Variants in MALRD1 observed in about 807,000 individuals in gnomAD.
The protein encoded by MALRD1 is MAM and LDL-receptor class A domain-containing protein 1.
MALRD1 carries 247 observed loss-of-function variants against 242.1 expected under a neutral mutation model. The observed-to-expected ratio is 1.02, with a 90% confidence interval of 0.92 to 1.13. MALRD1 has a LOEUF of 1.13. Among genes scored for constraint, MALRD1 ranks in the 50% most tolerant of loss-of-function variants. MALRD1 has a pLI of 0.00. For synonymous variants in MALRD1, 995 were observed against 866.6 expected (o/e 1.15, Z -2.60); for missense variants, 2,989 against 2,533.1 (o/e 1.18, Z -3.86).
intron 34 of MALRD1, chr10:19,598,216 G>A (rs1218517995): frequency 6.6e-6 from 1 of 152,162 alleles, no homozygotes; most frequent in Non-Finnish European, 1.5e-5. Context: ...GTCAGGTGAT[G>A]AGGAAGAGAA....
chr10:19,231,131 C>A (rs1838046026), intron 18 of MALRD1, among the ~76,000 whole-genome samples: 1 of 152,148 alleles, frequency 6.6e-6, no homozygotes, highest in Non-Finnish European at 1.5e-5. Flanking sequence ...TCCTTGGGGA[C>A]AACTCGTATC....
chr10:19,367,497 T>C (rs1168128467), intron 26 of MALRD1, among the ~76,000 whole-genome samples: 1 of 152,158 alleles, frequency 6.6e-6, no homozygotes, highest in Non-Finnish European at 1.5e-5. Flanking sequence ...TACCACATTT[T>C]CTTTATCCAT....
chr10:19,054,737 C>T (rs532012851), intron 1 of MALRD1, among the ~76,000 whole-genome samples: 9 of 152,196 alleles, frequency 5.9e-5, no homozygotes, highest in South Asian at 2.1e-4. Flanking sequence ...GACAGGATTT[C>T]CTTCTTTTTA....
At chr10:19,531,702 GA>G (rs1371161242) in intron 32 of MALRD1, among the ~76,000 whole-genome samples, 10 of 152,150 alleles carry the variant, frequency 6.6e-5, no homozygotes, top group Non-Finnish European at 1.5e-4. Flanking sequence ...TGGTGAGGAA[GA>G]TAATTTTCTA....
At chr10:19,276,929 G>T (rs1840556506) in intron 19 of MALRD1, among the ~76,000 whole-genome samples, 1 of 151,308 alleles carries the variant, frequency 6.6e-6, no homozygotes, top group Non-Finnish European at 1.5e-5. Flanking sequence ...GTTTGGGTTG[G>T]GGGGTGGGAA....
At chr10:19,686,535 C>T (rs1168975214) in intron 36 of MALRD1, among the ~76,000 whole-genome samples, 1 of 152,140 alleles carries the variant, frequency 6.6e-6, no homozygotes, top group Non-Finnish European at 1.5e-5. Flanking sequence ...TAGGAAGCTG[C>T]TGATCTCCAG....
chr10:19,195,893 A>G (rs1386688550), intron 14 of MALRD1, among the ~76,000 whole-genome samples: 1 of 152,084 alleles, frequency 6.6e-6, no homozygotes, highest in East Asian at 1.9e-4. Context: ...GCCCTCCTCA[A>G]TGAATAACAC....
intron 18 of MALRD1, among the ~76,000 whole-genome samples, chr10:19,236,750 C>G (rs144338611): frequency 1.5e-3 from 232 of 152,130 alleles, no homozygotes; most frequent in African/African-American, 5.0e-3. Context: ...ATTTCAGATA[C>G]GTTTTTCATT....
At chr10:19,244,861 G>C (rs2131760127) in intron 18 of MALRD1, among the ~76,000 whole-genome samples, 1 of 152,252 alleles carries the variant, frequency 6.6e-6, no homozygotes, top group East Asian at 1.9e-4. Flanking sequence ...CCAGCCTTGG[G>C]TATAAATTAA....
rs532569005 is a variant in MALRD1, at chr10:19,515,708, C to T, written c.5321-15486C>T. On this transcript the variant is annotated intron_variant, in intron 31 of 39. Transcript: ENST00000454679. ...CCGAGTAGCTGGGACTACAGGCACC[C>T]GCTACAACGCCTGGCTAATTTTTTT... Among the ~76,000 whole-genome samples the T allele has an allele frequency of 3.7e-3, 568 of 152,050 alleles. 4 individuals carry two copies. Among genetic ancestry groups the T allele is most frequent in the African/African-American group, 0.013 (548 of 41,478 alleles).
intron 5 of MALRD1, among the ~76,000 whole-genome samples, chr10:19,115,625 C>T (rs985842889): frequency 1.3e-5 from 2 of 151,410 alleles, no homozygotes; most frequent in Non-Finnish European, 2.9e-5. Flanking sequence ...ATTATTTTAC[C>T]ATATATGTTT....
intron 28 of MALRD1, among the ~76,000 whole-genome samples, chr10:19,435,115 A>T (rs576669431): frequency 6.7e-6 from 1 of 149,482 alleles, no homozygotes; most frequent in East Asian, 1.9e-4. Context: ...ACAAAAATAT[A>T]CATAATATAT....
intron 19 of MALRD1, among the ~76,000 whole-genome samples, chr10:19,273,311 C>A (rs1008286384): frequency 6.6e-6 from 1 of 152,118 alleles, no homozygotes; most frequent in African/African-American, 2.4e-5. Context: ...AGTTATATAG[C>A]CGCTTTGAAA....
intron 11 of MALRD1, among the ~76,000 whole-genome samples, chr10:19,151,813 A>C (rs6481762): frequency 0.34 from 51,765 of 152,018 alleles, 9,219 homozygotes; most frequent in Non-Finnish European, 0.39. Context: ...CTATAAGGTA[A>C]ATTGATTTTT....
intron 22 of MALRD1, among the ~76,000 whole-genome samples, chr10:19,326,133 C>A (rs918881026): frequency 6.6e-6 from 1 of 152,000 alleles, no homozygotes; most frequent in Non-Finnish European, 1.5e-5. Flanking sequence ...CTAAAGACAT[C>A]CAAATGGGCT....
In MALRD1 at chr10:19,204,956, T is replaced by G; in HGVS notation, c.2269T>G (p.Ser757Ala). 6.4e-7 allele frequency: 1 copy of G among 1,550,522 alleles called. No homozygotes were observed. The highest frequency in any genetic ancestry group is 8.7e-7 in the Non-Finnish European group (1 of 1,146,898). ...AAELQLHMENSHDSTVIWRVL... is the reference protein window; with the variant it reads ...AAELQLHMENAHDSTVIWRVL... ...TGAGCTGCAGCTACATATGGAAAATTCTCATGACTCAACAGTGATTTGGAG... is the reference window on the plus strand; with the variant it reads ...TGAGCTGCAGCTACATATGGAAAATGCTCATGACTCAACAGTGATTTGGAG... Residue 757 changes from serine to alanine, a missense_variant, in exon 17 of 40, where the codon TCT becomes GCT. By Grantham distance (99) the Ser-to-Ala change is moderately conservative. Coordinates refer to ENST00000454679, the MANE Select transcript of MALRD1 (RefSeq NM_001142308.3).
At chr10:19,501,660 G>T (rs1589163024) in intron 31 of MALRD1, among the ~76,000 whole-genome samples, 1 of 152,126 alleles carries the variant, frequency 6.6e-6, no homozygotes, top group African/African-American at 2.4e-5. Flanking sequence ...TAGGATAAAA[G>T]GATACATACT....
intron 28 of MALRD1, among the ~76,000 whole-genome samples, chr10:19,431,434 T>A (rs1834122889): frequency 1.3e-5 from 2 of 152,230 alleles, no homozygotes; most frequent in Non-Finnish European, 2.9e-5. Context: ...ATCCAGCAAT[T>A]TATTCAAGCA....
intron 12 of MALRD1, among the ~76,000 whole-genome samples, chr10:19,162,451 C>T (rs560608542): frequency 4.0e-4 from 61 of 152,276 alleles, no homozygotes; most frequent in African/African-American, 1.3e-3. Context: ...ATTTATGACA[C>T]GTTTCATGAT....
Sources: allele counts gnomAD v4.1 joint callset (sites outside exome capture counted in the v4.1 genomes callset), GRCh38; gene constraint gnomAD v4.1.1; transcripts MANE v1.5; gene names NCBI Gene and HGNC (gene_info 2026-07-23, HGNC 2026-07-21).